The following OR2C1 variants were observed in gnomAD, a reference collection of about 807,000 sequenced individuals.
OR2C1 encodes olfactory receptor family 2 subfamily C member 1.
For missense variants in OR2C1, 468 were observed against 388.3 expected (o/e 1.21, Z -1.73); for synonymous variants, 209 against 167.3 (o/e 1.25, Z -1.92).
upstream of OR2C1, among the ~76,000 whole-genome samples, chr16:3,353,758 G>A (rs910680560): frequency 2.0e-5 from 3 of 151,728 alleles, no homozygotes; most frequent in Non-Finnish European, 4.4e-5. Flanking sequence ...CTGAGATCAC[G>A]CCACTGCACT....
At chr16:3,327,865 A>C in the OR2C1 span, among the ~76,000 whole-genome samples, 9 of 152,228 alleles carry the variant, frequency 5.9e-5, no homozygotes, top group African/African-American at 1.4e-4. Flanking sequence ...TTTTCTTGAA[A>C]CAATGTGTAA....
the OR2C1 span, among the ~76,000 whole-genome samples, chr16:3,340,500 C>T: frequency 2.0e-5 from 3 of 152,180 alleles, no homozygotes; most frequent in Admixed American, 2.0e-4. Flanking sequence ...TATTTGGTGT[C>T]ATATCTAAGA....
chr16:3,351,153 C>T (rs2030566223), upstream of OR2C1, among the ~76,000 whole-genome samples: 3 of 148,642 alleles, frequency 2.0e-5, no homozygotes, highest in African/African-American at 4.9e-5. Flanking sequence ...ATCACACCAA[C>T]ACCTCAAAAT....
chr16:3,326,632 G>A, the OR2C1 span, among the ~76,000 whole-genome samples: 4 of 152,178 alleles, frequency 2.6e-5, no homozygotes, highest in African/African-American at 9.6e-5. Context: ...CTGGTTTCCA[G>A]GAATGGAGAA....
chr16:3,356,556 T>G lies in OR2C1; in HGVS notation c.616T>G (p.Phe206Val), dbSNP rs1358996922. ...TGTGCTCAATGGTGTCTGCACCTTC[T>G]TCACTGCAGTCCCACTAAGCATCAT... ...QAVLNGVCTF[F>V]TAVPLSIIVI... The change falls in exon 1 of 1, where the codon TTC becomes GTC. Residue 206 changes from phenylalanine (F) to valine (V), a missense_variant. Phe to Val is a conservative substitution (Grantham distance 50). Coordinates refer to ENST00000304936, the MANE Select transcript of OR2C1 (RefSeq NM_012368.3). 13 of 1,614,084 alleles carry G rather than the reference T, an allele frequency of 8.1e-6. No individual in the cohort carries two copies. Among genetic ancestry groups the G allele is most frequent in the Non-Finnish European group, 1.1e-5 (13 of 1,180,050 alleles).
At chr16:3,342,784 G>A in the OR2C1 span, among the ~76,000 whole-genome samples, 4 of 152,280 alleles carry the variant, frequency 2.6e-5, no homozygotes, top group South Asian at 8.3e-4. Flanking sequence ...GGCTGAGGCA[G>A]GAGAATCACT....
chr16:3,344,241 G>T, the OR2C1 span, among the ~76,000 whole-genome samples: 2 of 151,352 alleles, frequency 1.3e-5, no homozygotes, highest in Admixed American at 6.6e-5. Flanking sequence ...AAACAAAACA[G>T]AACTATTATA....
rs1209905945 is a variant in OR2C1 at position 3,356,312 on chromosome 16, G to A, written c.372G>A (p.Val124=). ...LLVVMAFDRY[V]AVCRPLRYTA... is the part of the protein sequence containing the mutation. ...TGGTGATGGCATTTGACCGCTACGT[G>A]GCAGTGTGCCGGCCCCTCCGCTACA... The change falls in exon 1 of 1, where the codon GTG becomes GTA. Residue 124 remains valine, a synonymous_variant. Transcript: ENST00000304936. 1 of 1,613,396 alleles carries A rather than the reference G, an allele frequency of 6.2e-7. No homozygotes were observed. Among genetic ancestry groups the A allele is most frequent in the South Asian group, 1.1e-5 (1 of 91,076 alleles).
chr16:3,353,458 TCCAGCC>T (rs2030606057), upstream of OR2C1, among the ~76,000 whole-genome samples: 2 of 126,320 alleles, frequency 1.6e-5, no homozygotes, highest in African/African-American at 6.1e-5. Context: ...GCCACTGCAC[TCCAGCC>T]TGGTGACAGA....
the OR2C1 span, among the ~76,000 whole-genome samples, chr16:3,333,456 C>T: frequency 1.3e-5 from 2 of 151,962 alleles, no homozygotes; most frequent in African/African-American, 4.8e-5. Flanking sequence ...CTGCCTCAGC[C>T]TCCCCAGTAG....
At chr16:3,325,463 ATAT>A in the OR2C1 span, among the ~76,000 whole-genome samples, 429 of 79,326 alleles carry the variant, frequency 5.4e-3, 2 homozygotes, top group East Asian at 0.011. Context: ...GTCTAAAAAT[ATAT>A]ATATATATAT....
the OR2C1 span, among the ~76,000 whole-genome samples, chr16:3,336,704 C>CT: frequency 1.5e-3 from 66 of 45,000 alleles, 3 homozygotes; most frequent in African/African-American, 4.5e-3. Context: ...TCTTTTCTTT[C>CT]TTTCTTTCTT....
At position 3,356,582 on chromosome 16, in the gene OR2C1, C is replaced by G; in HGVS notation, c.642C>G (p.Ile214Met). The change falls in exon 1 of 1, where the codon ATC (isoleucine) becomes ATG (methionine). Residue 214 changes from isoleucine (I) to methionine (M), a missense_variant. Transcript: ENST00000304936. ...TFFTAVPLSI[I>M]VISYCLIAQA... ...TCACTGCAGTCCCACTAAGCATCAT[C>G]GTGATCTCCTACTGCCTCATTGCTC... 2 of 1,614,170 alleles carry G rather than the reference C, an allele frequency of 1.2e-6. No individual in the cohort carries two copies. Among genetic ancestry groups the G allele is most frequent in the Non-Finnish European group, 1.7e-6 (2 of 1,180,034 alleles).
In OR2C1 at chr16:3,356,792, G is replaced by A; in HGVS notation, c.852G>A (p.Met284Ile). 1 of 1,613,964 alleles carries A rather than the reference G, an allele frequency of 6.2e-7. No individual in the cohort carries two copies. The highest frequency in any genetic ancestry group is 1.3e-5 in the African/African-American group (1 of 75,012). ...TGTTCTACTCGTTGGTCACACCCAT[G>A]GTGAATCCCCTCATCTACACGCTGC... ...ISLFYSLVTP[M>I]VNPLIYTLRN... is the part of the protein sequence containing the mutation. Residue 284 changes from methionine to isoleucine, a missense_variant, in exon 1 of 1, where the codon ATG becomes ATA. Physicochemically the swap from Met to Ile is conservative, Grantham distance 10. Coordinates refer to ENST00000304936, the MANE Select transcript of OR2C1 (RefSeq NM_012368.3).
At chr16:3,357,694 G>A (rs116802918), downstream of OR2C1, among the ~76,000 whole-genome samples, 12 of 152,130 alleles carry the variant, frequency 7.9e-5, no homozygotes, top group Admixed American at 2.0e-4. Context: ...TAATAATGCA[G>A]TATACCACTG....
chr16:3,334,821 TC>T, the OR2C1 span, among the ~76,000 whole-genome samples: 37 of 151,886 alleles, frequency 2.4e-4, no homozygotes, highest in Admixed American at 7.2e-4. Flanking sequence ...TCCACTTTGT[TC>T]TTTTTTTTTT....
the OR2C1 span, among the ~76,000 whole-genome samples, chr16:3,327,070 A>G: frequency 6.6e-6 from 1 of 152,178 alleles, no homozygotes. Context: ...GATTTAAAAT[A>G]ATATATATAG....
At chr16:3,351,219 TC>T (rs1441382211), upstream of OR2C1, among the ~76,000 whole-genome samples, 3 of 8,158 alleles carry the variant, frequency 3.7e-4, no homozygotes, top group African/African-American at 4.1e-4. Flanking sequence ...TTTTTCTTTT[TC>T]TTTTTCTTTT....
chr16:3,353,991 T>C (rs199673418), upstream of OR2C1, among the ~76,000 whole-genome samples: 24 of 81,462 alleles, frequency 2.9e-4, no homozygotes, highest in South Asian at 1.5e-3. Flanking sequence ...TTCTTTTTTT[T>C]TTTTTTTTTT....
Sources: allele counts gnomAD v4.1 joint callset (sites outside exome capture counted in the v4.1 genomes callset), GRCh38; gene constraint gnomAD v4.1.1; transcripts MANE v1.5; gene names NCBI Gene and HGNC (gene_info 2026-07-23, HGNC 2026-07-21).